The following GTF3C5 variants were observed in gnomAD, a reference collection of about 807,000 sequenced individuals.
GTF3C5 encodes the protein general transcription factor 3C polypeptide 5.
Under a neutral mutation model 61.0 loss-of-function variants are expected in GTF3C5, and 47 were observed. The observed-to-expected ratio is 0.77, with a 90% CI of 0.61 to 0.98. The LOEUF (loss-of-function observed/expected upper bound fraction) is 0.98, where lower values mean the gene tolerates loss of function less well. GTF3C5 is among the 50% of genes least tolerant of loss of function. The probability of loss-of-function intolerance (pLI) is 0.00; values close to 1 mark genes in which losing one functional copy is unlikely to be tolerated. For synonymous variants in GTF3C5, 295 were observed against 275.4 expected, an observed-to-expected ratio of 1.07 and a Z score of -0.71; for missense variants, 659 against 703.3, an observed-to-expected ratio of 0.94 and a Z score of 0.71.
Position 133,050,958 on chromosome 9 carries a change from G to A in GTF3C5, c.748G>A (p.Val250Met). 1 of 1,609,912 alleles carries A rather than the reference G, an allele frequency of 6.2e-7. No homozygotes were observed. The highest frequency in any genetic ancestry group is 8.5e-7 in the Non-Finnish European group (1 of 1,178,196). ...RVCTNPVDRK[V>M]EEELRKLFDI... Reference sequence around the variant, plus strand: ...CTGCACTAACCCCGTGGACCGGAAGGTGGAGGAGGAGCTGAGGAAGGCAAG... The same window carrying A: ...CTGCACTAACCCCGTGGACCGGAAGATGGAGGAGGAGCTGAGGAAGGCAAG... The change falls in exon 4 of 11, where the codon GTG (valine) becomes ATG (methionine). Residue 250 changes from valine (V) to methionine (M), a missense_variant. Transcript: ENST00000372097.
At chr9:133,030,771 G>A (rs1243708906), upstream of GTF3C5, 2 of 620,628 alleles carry the variant, frequency 3.2e-6, no homozygotes, top group African/African-American at 3.7e-5. Flanking sequence ...CCCGCCCGGT[G>A]GACTAACTCG....
chr9:133,033,387 C>T (rs773769081), intron 1 of GTF3C5, among the ~76,000 whole-genome samples: 3 of 152,082 alleles, frequency 2.0e-5, no homozygotes, highest in East Asian at 1.9e-4. Flanking sequence ...TATCCAGTTA[C>T]GGTCCACCAC....
intron 1 of GTF3C5, among the ~76,000 whole-genome samples, chr9:133,035,197 A>G (rs1313746524): frequency 6.6e-6 from 1 of 152,176 alleles, no homozygotes; most frequent in Non-Finnish European, 1.5e-5. Context: ...TTCTCAATCA[A>G]TGCTTTAATT....
At chr9:133,044,166 A>G (rs367861390) in intron 3 of GTF3C5, 85 of 523,970 alleles carry the variant, frequency 1.6e-4, no homozygotes, top group African/African-American at 1.3e-3. Context: ...AAAAAAAAAA[A>G]AAAGAAAATG....
intron 8 of GTF3C5, chr9:133,055,520 C>A: frequency 1.2e-5 from 14 of 1,196,100 alleles, no homozygotes; most frequent in Non-Finnish European, 1.5e-5. Context: ...GAGGCCTCTC[C>A]TAGGAGGCCG....
At chr9:133,046,801 A>G (rs1406250367) in intron 3 of GTF3C5, among the ~76,000 whole-genome samples, 1 of 152,174 alleles carries the variant, frequency 6.6e-6, no homozygotes, top group Non-Finnish European at 1.5e-5. Context: ...GAGCTGAGAC[A>G]GAGCCAGCCA....
intron 8 of GTF3C5, 64 bp downstream of exon 8, chr9:133,054,873 G>C (rs1240047874): frequency 1.7e-5 from 26 of 1,538,238 alleles, no homozygotes; most frequent in Non-Finnish European, 2.2e-5. Context: ...GGCACCTTGT[G>C]GGTGACACCT....
chr9:133,034,015 C>T (rs989558042), intron 1 of GTF3C5, among the ~76,000 whole-genome samples: 1 of 152,098 alleles, frequency 6.6e-6, no homozygotes, highest in Non-Finnish European at 1.5e-5. Flanking sequence ...GTCCAGTCAA[C>T]CTTAGAGAGG....
chr9:133,032,932 G>A (rs1248114840), intron 1 of GTF3C5, among the ~76,000 whole-genome samples: 1 of 152,158 alleles, frequency 6.6e-6, no homozygotes, highest in Non-Finnish European at 1.5e-5. Flanking sequence ...TGGGATAAAA[G>A]TACAACATTG....
chr9:133,041,535 AC>A (rs1850039198), intron 1 of GTF3C5, among the ~76,000 whole-genome samples: 1 of 152,100 alleles, frequency 6.6e-6, no homozygotes, highest in Non-Finnish European at 1.5e-5. Flanking sequence ...AACCCACGTG[AC>A]CTTACCTATC....
At chr9:133,045,053 A>G (rs1400517220) in intron 3 of GTF3C5, among the ~76,000 whole-genome samples, 3 of 152,268 alleles carry the variant, frequency 2.0e-5, no homozygotes, top group South Asian at 2.1e-4. Flanking sequence ...AATGTAGTCA[A>G]ATTGTCAAAT....
chr9:133,055,844 GT>G (rs1564205434), intron 8 of GTF3C5, 167 bp from the exon 9 acceptor site: 19 of 1,419,438 alleles, frequency 1.3e-5, no homozygotes, highest in African/African-American at 2.9e-5. Context: ...GTTGGACATT[GT>G]TTTTTCCCCA....
chr9:133,056,044 G>A lies in GTF3C5; in HGVS notation c.1200G>A (p.Leu400=). The part of the protein sequence containing the change: ...DSVYIFREGA[L]PPYRQMFYQL... Reference sequence around the variant, plus strand: ...TCTACATCTTCCGGGAAGGGGCCTTGCCACCCTATCGGCAGATGTTCTACC... The same window carrying A: ...TCTACATCTTCCGGGAAGGGGCCTTACCACCCTATCGGCAGATGTTCTACC... The change falls in exon 9 of 11, where the codon TTG becomes TTA. Residue 400 remains leucine (L), a synonymous_variant. Coordinates refer to ENST00000372097, the MANE Select transcript of GTF3C5 (RefSeq NM_012087.4). 1 of 1,614,130 alleles carries A rather than the reference G, an allele frequency of 6.2e-7. No individual in the cohort carries two copies. Among genetic ancestry groups the A allele is most frequent in the Non-Finnish European group, 8.5e-7 (1 of 1,179,984 alleles).
At chr9:133,030,894 T>G, upstream of GTF3C5, 2 of 1,191,486 alleles carry the variant, frequency 1.7e-6, no homozygotes, top group Non-Finnish European at 2.4e-6. Context: ...GCCCGGGGAG[T>G]TAGGATGACG....
Position 133,031,177 on chromosome 9 carries a change from G to T in GTF3C5, c.153+13G>T. 1 of 1,553,432 alleles carries T rather than the reference G, an allele frequency of 6.4e-7. No individual in the cohort carries two copies. Among genetic ancestry groups the T allele is most frequent in the Non-Finnish European group, 8.7e-7 (1 of 1,149,206 alleles). On this transcript the variant is annotated intron_variant, in intron 1 of 10. Transcript: ENST00000372097. ...AGGCGTCTCCCGGGTAAGGGGCTGG[G>T]AATCTCGGTGTTGGAATAAGAGCTC...
At chr9:133,051,265 T>C (rs1265729146) in intron 4 of GTF3C5, among the ~76,000 whole-genome samples, 1 of 152,254 alleles carries the variant, frequency 6.6e-6, no homozygotes, top group Non-Finnish European at 1.5e-5. Context: ...TGAGCTCTTA[T>C]TCTTCCATTC....
upstream of GTF3C5, chr9:133,030,823 C>T: frequency 1.4e-6 from 1 of 695,322 alleles, no homozygotes; most frequent in Non-Finnish European, 2.6e-6. Flanking sequence ...CGGTCGTTTT[C>T]CCGAAGACAT....
chr9:133,044,657 G>A (rs570405406), intron 3 of GTF3C5, among the ~76,000 whole-genome samples: 3 of 152,218 alleles, frequency 2.0e-5, no homozygotes, highest in East Asian at 3.9e-4. Flanking sequence ...TGCCCTGTGC[G>A]GCTGGAGGTC....
chr9:133,043,945 C>T lies in GTF3C5; in HGVS notation c.572+19C>T, dbSNP rs1357395605. 1.9e-6 allele frequency: 3 copies of T among 1,585,522 alleles called. No homozygotes were observed. The South Asian group carries it at 3.3e-5, about 18-fold the overall frequency. On this transcript the variant is annotated intron_variant, in intron 3 of 10. Coordinates refer to ENST00000372097, the MANE Select transcript of GTF3C5 (RefSeq NM_012087.4). ...AGCACCGGTAAGGCCCCCCTCCATGCAGCCTCGGTTCTCTATCCTGAAAAT... is the reference window on the plus strand; with the variant it reads ...AGCACCGGTAAGGCCCCCCTCCATGTAGCCTCGGTTCTCTATCCTGAAAAT...
Sources: allele counts gnomAD v4.1 joint callset (sites outside exome capture counted in the v4.1 genomes callset), GRCh38; gene constraint gnomAD v4.1.1; transcripts MANE v1.5; gene names NCBI Gene and HGNC (gene_info 2026-07-23, HGNC 2026-07-21).